TMEM170A: variants seen among roughly 807,000 people sequenced by gnomAD.
TMEM170A encodes the protein transmembrane protein 170.
TMEM170A carries 18 observed loss-of-function variants against 12.8 expected under a neutral mutation model. The observed-to-expected ratio is 1.41, with a 90% CI of 0.97 to 2.09. The LOEUF (loss-of-function observed/expected upper bound fraction) is 2.09. TMEM170A is among the 30% of genes most tolerant of loss of function. TMEM170A has a pLI of 0.00. For missense variants in TMEM170A, 220 were observed against 179.9 expected (o/e 1.22, Z -1.28); for synonymous variants, 107 against 76.2 (o/e 1.40, Z -2.11).
At chr16:75,461,538 AAATATCAATAC>A (rs1482025266) in intron 1 of TMEM170A, among the ~76,000 whole-genome samples, 1 of 152,248 alleles carries the variant, frequency 6.6e-6, no homozygotes, top group Non-Finnish European at 1.5e-5. Context: ...TGTGGGGCCA[AAATATCAATAC>A]AACAGATTCA....
At chr16:75,452,196 C>T (rs2079701520) in intron 1 of TMEM170A, among the ~76,000 whole-genome samples, 1 of 152,128 alleles carries the variant, frequency 6.6e-6, no homozygotes, top group Non-Finnish European at 1.5e-5. Context: ...TGGTCTCGAT[C>T]TCCTGACCTC....
Position 75,451,725 on chromosome 16 carries a change from G to T in TMEM170A, c.248C>A (p.Ser83Tyr). The change falls in exon 2 of 3, where the codon TCT becomes TAT. Residue 83 changes from serine (S) to tyrosine (Y), a missense_variant. Physicochemically the swap from Ser to Tyr is moderately radical, Grantham distance 144. Coordinates refer to ENST00000561878, the MANE Select transcript of TMEM170A (RefSeq NM_145254.3). ...GATGCCCATCAACAGGATGCTTACA[G>T]ACATGAACCTACCATATTTGTGATG... The part of the protein sequence containing the change: ...LRHHKYGRFM[S>Y]VSILLMGIVG... 4.3e-6 allele frequency: 7 copies of T among 1,614,204 alleles called. No homozygotes were observed. Among genetic ancestry groups the T allele is most frequent in the Non-Finnish European group, 5.9e-6 (7 of 1,180,032 alleles).
At chr16:75,450,641 G>A (rs1168486705) in intron 2 of TMEM170A, among the ~76,000 whole-genome samples, 1 of 148,630 alleles carries the variant, frequency 6.7e-6, no homozygotes, top group Non-Finnish European at 1.5e-5. Flanking sequence ...AGCACTAATC[G>A]GGTACTTTTC....
chr16:75,454,548 T>C (rs1248391924), intron 1 of TMEM170A, among the ~76,000 whole-genome samples: 1 of 151,786 alleles, frequency 6.6e-6, no homozygotes, highest in East Asian at 1.9e-4. Context: ...GGCAGGAGAA[T>C]CGCTTGAACC....
In TMEM170A at chr16:75,443,949, C is replaced by T. The variant is rs1166768475; in HGVS notation, c.*3609G>A. The T allele has an allele frequency of 6.6e-6, 1 of 152,058 alleles. No homozygotes were observed. Among genetic ancestry groups the T allele is most frequent in the South Asian group, 2.1e-4 (1 of 4,828 alleles). The allele number at this position is 152,058 out of a possible 1,614,324, so 9.4% of individuals were successfully genotyped here. On this transcript the variant is annotated 3_prime_UTR_variant, in exon 3 of 3. Coordinates refer to ENST00000561878, the MANE Select transcript of TMEM170A (RefSeq NM_145254.3). ...ACTAAAAATACAAAAATTAGCTGGG[C>T]CTTGTGGCGGGTGCCAGTAATCCTA...
intron 1 of TMEM170A, 113 bp downstream of exon 1, chr16:75,464,355 G>A: frequency 7.2e-7 from 1 of 1,386,248 alleles, no homozygotes; most frequent in East Asian, 3.1e-5. Context: ...GGAGGACAGC[G>A]CCCACGCCGC....
intron 1 of TMEM170A, 62 bp downstream of exon 1, chr16:75,464,406 G>C: frequency 7.2e-7 from 1 of 1,385,590 alleles, no homozygotes. Context: ...GACTCGGGGC[G>C]CCCACAGCAC....
Position 75,457,044 on chromosome 16 carries a change from G to C in TMEM170A, c.134-5205C>G, listed in dbSNP as rs775604740. Reference sequence around the variant, plus strand: ...ATTCACTGGTCCAAAGTGGACAAATGGGATGCAAACCTGCCTCCAAGAACT... The same window carrying C: ...ATTCACTGGTCCAAAGTGGACAAATCGGATGCAAACCTGCCTCCAAGAACT... On this transcript the variant is annotated intron_variant, in intron 1 of 2. Transcript: ENST00000561878. Among the ~76,000 whole-genome samples, 45 of 152,222 alleles carry C rather than the reference G, an allele frequency of 3.0e-4. 1 individual carries two copies. Among genetic ancestry groups the C allele is most frequent in the Admixed American group, 2.5e-3 (38 of 15,290 alleles).
At chr16:75,455,744 G>A (rs28655617) in intron 1 of TMEM170A, among the ~76,000 whole-genome samples, 75,022 of 152,038 alleles carry the variant, frequency 0.49, 19,986 homozygotes, top group Admixed American at 0.62. Flanking sequence ...GGCAGAGGTC[G>A]CAATGAGCCG....
intron 1 of TMEM170A, among the ~76,000 whole-genome samples, chr16:75,453,060 C>T (rs563771229): frequency 1.1e-4 from 16 of 152,106 alleles, no homozygotes; most frequent in Admixed American, 3.9e-4. Flanking sequence ...TCTGGCCCTT[C>T]ACAGAAAAAG....
intron 2 of TMEM170A, among the ~76,000 whole-genome samples, chr16:75,449,459 C>T (rs2079643265): frequency 6.6e-6 from 1 of 151,942 alleles, no homozygotes; most frequent in African/African-American, 2.4e-5. Context: ...GGACTACAGG[C>T]ACACGCCACC....
At chr16:75,460,309 C>A (rs2079880106) in intron 1 of TMEM170A, among the ~76,000 whole-genome samples, 1 of 152,068 alleles carries the variant, frequency 6.6e-6, no homozygotes, top group African/African-American at 2.4e-5. Flanking sequence ...CTAAAAACCA[C>A]TGGATTGTAC....
At position 75,464,545 on chromosome 16, in the gene TMEM170A, A is replaced by T. The variant is rs147975195; in HGVS notation, c.56T>A (p.Ile19Asn). 1 of 1,588,750 alleles carries T rather than the reference A, an allele frequency of 6.3e-7. No homozygotes were observed. Among genetic ancestry groups the T allele is most frequent in the Non-Finnish European group, 8.5e-7 (1 of 1,170,108 alleles). The change falls in exon 1 of 3, where the codon ATC becomes AAC. Residue 19 changes from isoleucine (I) to asparagine (N), a missense_variant. Coordinates refer to ENST00000561878, the MANE Select transcript of TMEM170A (RefSeq NM_145254.3). ...SGGSAGLLQQ[I>N]LSLKVVPRVG... ...CCGCGGCACAACCTTCAGGCTCAGG[A>T]TCTGCTGCAGGAGCCCGGCCGACCC...
rs142753670 is a variant in TMEM170A at position 75,447,561 on chromosome 16, T to C, written c.432A>G (p.Leu144=). 572 of 1,612,932 alleles carry C rather than the reference T, an allele frequency of 3.5e-4. 1 individual carries two copies. Among genetic ancestry groups the C allele is most frequent in the Non-Finnish European group, 3.9e-4 (462 of 1,179,760 alleles). ...VVSFLRILAT[L] ...CATCTCAGCATAAGGATGTATGCTA[T>C]AGAGTAGCTAAAATCCGTAAAAAGG... Residue 144 remains leucine, a synonymous_variant, in exon 3 of 3, where the codon CTA becomes CTG. Coordinates refer to ENST00000561878, the MANE Select transcript of TMEM170A (RefSeq NM_145254.3).
chr16:75,459,154 A>C (rs561853276), intron 1 of TMEM170A, among the ~76,000 whole-genome samples: 54 of 152,296 alleles, frequency 3.5e-4, no homozygotes, highest in African/African-American at 1.3e-3. Context: ...TTGGCCTCCC[A>C]AAGTGCTGGG....
At chr16:75,447,729 G>C (rs569865543) in intron 2 of TMEM170A, 41 bp from the exon 3 acceptor site, 10 of 1,558,772 alleles carry the variant, frequency 6.4e-6, no homozygotes, top group Non-Finnish European at 8.7e-6. Flanking sequence ...AACAAAAAAC[G>C]AAGGTTAACA....
chr16:75,447,930 T>C (rs2079616529), intron 2 of TMEM170A, among the ~76,000 whole-genome samples: 1 of 152,208 alleles, frequency 6.6e-6, no homozygotes, highest in African/African-American at 2.4e-5. Context: ...CAGAGTCTCC[T>C]AGATTTATTG....
chr16:75,451,274 G>C (rs761597759), intron 2 of TMEM170A, among the ~76,000 whole-genome samples: 15 of 152,120 alleles, frequency 9.9e-5, no homozygotes, highest in Non-Finnish European at 1.5e-5. Flanking sequence ...ACTGGGCCAG[G>C]CACAGTGGCT....
intron 1 of TMEM170A, among the ~76,000 whole-genome samples, chr16:75,460,753 G>A (rs1173865494): frequency 3.3e-5 from 5 of 152,140 alleles, no homozygotes; most frequent in African/African-American, 1.2e-4. Flanking sequence ...TTGACTTGGT[G>A]CCTAGAAAAC....
Sources: gnomAD v4.1 joint callset for allele counts (sites outside exome capture counted in the v4.1 genomes callset) on GRCh38, gnomAD v4.1.1 for gene constraint, MANE v1.5 for transcripts, NCBI Gene and HGNC (gene_info 2026-07-23, HGNC 2026-07-21) for gene names.